The following POLR1C variants were observed in gnomAD, a reference collection of about 807,000 sequenced individuals.
The protein encoded by POLR1C is DNA-directed RNA polymerases I and III subunit RPAC1.
Under a neutral mutation model 38.3 loss-of-function variants are expected in POLR1C, and 42 were observed. The observed-to-expected ratio is 1.10, with a 90% CI of 0.86 to 1.42. POLR1C has a LOEUF of 1.42. POLR1C is among the 40% of genes most tolerant of loss of function. The pLI is 0.00. For missense variants in POLR1C, 507 were observed against 450.5 expected, an observed-to-expected ratio of 1.13 and a Z score of -1.14; for synonymous variants, 163 against 163.9, an observed-to-expected ratio of 0.99 and a Z score of 0.04.
downstream of POLR1C, among the ~76,000 whole-genome samples, chr6:43,524,246 G>A (rs887883765): frequency 1.3e-5 from 2 of 151,986 alleles, no homozygotes; most frequent in Admixed American, 6.6e-5. Context: ...CAGCTACTTG[G>A]GAGGCTGAGG....
chr6:43,559,588 T>C (rs1582236451), intron 10 of POLR1C, among the ~76,000 whole-genome samples: 1 of 152,220 alleles, frequency 6.6e-6, no homozygotes, highest in Non-Finnish European at 1.5e-5. Context: ...CCCTCCTATG[T>C]ACTTCCAAAG....
chr6:43,546,899 C>T, intron 9 of POLR1C: 2 of 838,820 alleles, frequency 2.4e-6, no homozygotes, highest in South Asian at 4.0e-5. Context: ...AATCCCCCAT[C>T]CCTTCCTTTA....
intron 9 of POLR1C, chr6:43,539,664 G>C (rs1582212805): frequency 1.3e-5 from 14 of 1,085,016 alleles, no homozygotes; most frequent in Non-Finnish European, 1.7e-5. Context: ...GGGCCACCAG[G>C]GCCTCCAGGC....
At chr6:43,524,948 GAGCAGTGTCCCT>G (rs750054834), downstream of POLR1C, 5 of 1,613,560 alleles carry the variant, frequency 3.1e-6, no homozygotes, top group Admixed American at 8.3e-5. Context: ...CTGCATCTGC[GAGCAGTGTCCCT>G]GACAGCACCT....
In POLR1C at chr6:43,546,645, A is replaced by G. The variant is rs567618901; in HGVS notation, c.*5-4323A>G. 8.1e-6 allele frequency: 13 copies of G among 1,613,962 alleles called. No individual in the cohort carries two copies. In the East Asian group the frequency reaches 2.5e-4, roughly 30 times the overall value. On this transcript the variant is annotated intron_variant, in intron 9 of 10. Transcript: ENST00000607635. ...AGGGGTTACGGAAGATTGGATTTCCACTGGATGTATAACCCACCACAAATC... is the reference window on the plus strand; with the variant it reads ...AGGGGTTACGGAAGATTGGATTTCCGCTGGATGTATAACCCACCACAAATC...
intron 9 of POLR1C, chr6:43,549,501 G>T (rs777675202): frequency 6.2e-7 from 1 of 1,611,774 alleles, no homozygotes; most frequent in South Asian, 1.1e-5. Flanking sequence ...GCACAAGCTG[G>T]GGGTAGTCAC....
At chr6:43,538,523 G>A (rs1270227248) in intron 9 of POLR1C, among the ~76,000 whole-genome samples, 6 of 152,170 alleles carry the variant, frequency 3.9e-5, no homozygotes, top group East Asian at 1.9e-4. Context: ...GAAAACATTC[G>A]GTGATATTTG....
At chr6:43,549,374 A>G in intron 9 of POLR1C, 3 of 1,047,606 alleles carry the variant, frequency 2.9e-6, no homozygotes, top group South Asian at 3.4e-5. Flanking sequence ...AAGGATGCTT[A>G]TATGATGCAA....
Position 43,520,742 on chromosome 6 carries a change from C to T in POLR1C, c.773C>T (p.Ser258Leu). Residue 258 changes from serine (S) to leucine (L), a missense_variant, in exon 7 of 9, where the codon TCA becomes TTA. Coordinates refer to ENST00000642195, the MANE Select transcript of POLR1C (RefSeq NM_203290.4). ...GCTGAGGAGTTGAGCAGGTGCTTCT[C>T]ACCTGGTGTTATTGAGGTGCAGGAA... ...EAAEELSRCF[S>L]PGVIEVQEVQ... 1.2e-6 allele frequency: 2 copies of T among 1,614,108 alleles called. No homozygotes were observed. The highest frequency in any genetic ancestry group is 1.7e-6 in the Non-Finnish European group (2 of 1,180,010).
intron 8 of POLR1C, chr6:43,529,030 G>T: frequency 1.7e-6 from 2 of 1,199,254 alleles, no homozygotes; most frequent in Non-Finnish European, 2.3e-6. Flanking sequence ...GGATTTGCCA[G>T]ATGTCAAAAA....
intron 9 of POLR1C, chr6:43,547,752 C>T (rs1329901773): frequency 1.3e-6 from 2 of 1,568,046 alleles, no homozygotes; most frequent in Non-Finnish European, 1.8e-6. Context: ...TGACTTTAAA[C>T]AAGGACAGTT....
downstream of POLR1C, chr6:43,524,542 G>A: frequency 6.2e-7 from 1 of 1,613,884 alleles, no homozygotes; most frequent in Non-Finnish European, 8.5e-7. Context: ...TGCAGGGAGG[G>A]GTTTAAAAGC....
downstream of POLR1C, chr6:43,525,895 T>A (rs778055808): frequency 6.2e-7 from 1 of 1,613,966 alleles, no homozygotes; most frequent in Non-Finnish European, 8.5e-7. Context: ...GCTGAGGGGG[T>A]GACCTCTGTG....
At chr6:43,555,433 T>TA (rs1313101030) in intron 10 of POLR1C, 1 of 156,978 alleles carries the variant, frequency 6.4e-6, no homozygotes, top group African/African-American at 2.4e-5. Flanking sequence ...TTATTCCTGT[T>TA]ATGTCTAACA....
intron 1 of POLR1C, 34 bp downstream of exon 1, chr6:43,517,212 A>G (rs759848395): frequency 1.9e-6 from 3 of 1,612,190 alleles, no homozygotes; most frequent in South Asian, 2.2e-5. Flanking sequence ...GGGCGGGAGG[A>G]ATGAGAGCGG....
At chr6:43,552,697 C>A (rs1288278066) in intron 10 of POLR1C, among the ~76,000 whole-genome samples, 1 of 152,166 alleles carries the variant, frequency 6.6e-6, no homozygotes, top group Non-Finnish European at 1.5e-5. Flanking sequence ...TGGATTATAT[C>A]TTTTGTCTAT....
intron 9 of POLR1C, among the ~76,000 whole-genome samples, chr6:43,535,445 C>T (rs1441508772): frequency 6.6e-6 from 1 of 151,270 alleles, no homozygotes; most frequent in Non-Finnish European, 1.5e-5. Context: ...TAAAAATTAG[C>T]CAGGTGTGGT....
intron 9 of POLR1C, chr6:43,549,415 A>C: frequency 7.1e-7 from 1 of 1,409,680 alleles, no homozygotes; most frequent in Non-Finnish European, 9.6e-7. Context: ...TCTTTATGTG[A>C]GGTACACTGA....
intron 8 of POLR1C, chr6:43,528,131 C>G: frequency 6.3e-7 from 1 of 1,577,672 alleles, no homozygotes; most frequent in South Asian, 1.2e-5. Context: ...AGTTCATCCA[C>G]CAAGAAGAGT....
Sources: gnomAD v4.1 joint callset for allele counts (sites outside exome capture counted in the v4.1 genomes callset) on GRCh38, gnomAD v4.1.1 for gene constraint, MANE v1.5 for transcripts, NCBI Gene and HGNC (gene_info 2026-07-23, HGNC 2026-07-21) for gene names.